DNER: variants seen among roughly 807,000 people sequenced by gnomAD.
DNER encodes the protein delta/notch like EGF repeat containing, also known as delta and Notch-like epidermal growth factor-related receptor.
Under a neutral mutation model 78.2 loss-of-function variants are expected in DNER, and 33 were observed. The observed-to-expected ratio is 0.42, with a 90% CI of 0.32 to 0.56. The LOEUF (loss-of-function observed/expected upper bound fraction) is 0.56. DNER is among the 20% of genes least tolerant of loss of function. The pLI, the probability that DNER is intolerant of heterozygous loss-of-function variation, is 0.11. For synonymous variants in DNER, 417 were observed against 384.8 expected (o/e 1.08, Z -0.98); for missense variants, 918 against 975.3 (o/e 0.94, Z 0.78).
At chr2:229,548,991 G>A (rs1696678191) in intron 4 of DNER, among the ~76,000 whole-genome samples, 2 of 152,128 alleles carry the variant, frequency 1.3e-5, no homozygotes, top group African/African-American at 2.4e-5. Context: ...CAAATGCTTA[G>A]CTGCCAGAAT....
At chr2:229,429,970 C>G (rs1408378763) in intron 8 of DNER, among the ~76,000 whole-genome samples, 5 of 152,156 alleles carry the variant, frequency 3.3e-5, no homozygotes, top group Non-Finnish European at 7.4e-5. Context: ...GGCTGTTCTC[C>G]TCTCATTTCC....
At chr2:229,713,091 C>T (rs528655894) in intron 1 of DNER, among the ~76,000 whole-genome samples, 1 of 152,302 alleles carries the variant, frequency 6.6e-6, no homozygotes, top group East Asian at 1.9e-4. Flanking sequence ...CAAACTCCTC[C>T]ACCCTAAATG....
intron 1 of DNER, among the ~76,000 whole-genome samples, chr2:229,664,738 T>C (rs1388771123): frequency 2.0e-5 from 3 of 152,156 alleles, no homozygotes; most frequent in African/African-American, 7.2e-5. Flanking sequence ...GACATGTCTA[T>C]TTCACATTGC....
chr2:229,579,469 C>G (rs905602247), intron 4 of DNER, among the ~76,000 whole-genome samples: 2 of 152,144 alleles, frequency 1.3e-5, no homozygotes, highest in Non-Finnish European at 2.9e-5. Context: ...GAAGCAGGTA[C>G]ATCTGTCAAA....
At chr2:229,416,059 T>A (rs1693644073) in intron 9 of DNER, among the ~76,000 whole-genome samples, 1 of 152,188 alleles carries the variant, frequency 6.6e-6, no homozygotes, top group Non-Finnish European at 1.5e-5. Context: ...AGACACCTCC[T>A]TCTAGGAGTT....
intron 5 of DNER, among the ~76,000 whole-genome samples, chr2:229,528,369 G>A (rs557668619): frequency 1.3e-5 from 2 of 152,288 alleles, no homozygotes; most frequent in South Asian, 4.2e-4. Context: ...TCTACAAAGT[G>A]CTTCCACCTT....
intron 12 of DNER, among the ~76,000 whole-genome samples, chr2:229,363,767 A>G (rs1295221796): frequency 2.0e-5 from 3 of 152,096 alleles, no homozygotes; most frequent in Admixed American, 1.3e-4. Flanking sequence ...AGCAGAATCT[A>G]TCTTAAACTA....
intron 1 of DNER, among the ~76,000 whole-genome samples, chr2:229,679,872 G>A (rs533359402): frequency 6.6e-6 from 1 of 152,298 alleles, no homozygotes; most frequent in South Asian, 2.1e-4. Context: ...CTCTTCAGGA[G>A]CACAGTCAGC....
At chr2:229,382,850 T>C (rs1692774933) in intron 11 of DNER, among the ~76,000 whole-genome samples, 1 of 152,118 alleles carries the variant, frequency 6.6e-6, no homozygotes, top group African/African-American at 2.4e-5. Flanking sequence ...TTTTAGGATA[T>C]TATCCGGGAG....
At chr2:229,545,578 A>T (rs1290788006) in intron 5 of DNER, among the ~76,000 whole-genome samples, 1 of 152,134 alleles carries the variant, frequency 6.6e-6, no homozygotes, top group Admixed American at 6.5e-5. Context: ...CATCTCAAAA[A>T]ATATATATAT....
intron 5 of DNER, among the ~76,000 whole-genome samples, chr2:229,530,632 A>G (rs1437005819): frequency 6.6e-6 from 1 of 152,258 alleles, no homozygotes; most frequent in Non-Finnish European, 1.5e-5. Flanking sequence ...CAGCTGCCGA[A>G]TTCCAGGGGG....
intron 6 of DNER, among the ~76,000 whole-genome samples, chr2:229,492,281 A>G (rs1695417307): frequency 6.6e-6 from 1 of 152,232 alleles, no homozygotes; most frequent in Non-Finnish European, 1.5e-5. Context: ...CACAACCAGT[A>G]GGTAGAAGTG....
chr2:229,557,078 C>T (rs999117824), intron 4 of DNER, among the ~76,000 whole-genome samples: 1 of 152,184 alleles, frequency 6.6e-6, no homozygotes, highest in Non-Finnish European at 1.5e-5. Context: ...GGAAATTCCA[C>T]ATGCCAAGAG....
intron 6 of DNER, among the ~76,000 whole-genome samples, chr2:229,508,568 T>C (rs946629003): frequency 6.6e-6 from 1 of 152,194 alleles, no homozygotes; most frequent in African/African-American, 2.4e-5. Context: ...TATAAAAACA[T>C]GTAAATATTA....
intron 1 of DNER, among the ~76,000 whole-genome samples, chr2:229,635,081 C>T (rs993884561): frequency 1.3e-5 from 2 of 152,144 alleles, no homozygotes; most frequent in African/African-American, 4.8e-5. Context: ...TCCATTTGTT[C>T]AAGGCAACCA....
chr2:229,557,862 G>T (rs867420129), intron 4 of DNER, among the ~76,000 whole-genome samples: 1 of 152,144 alleles, frequency 6.6e-6, no homozygotes, highest in Non-Finnish European at 1.5e-5. Flanking sequence ...ATTTGATTCA[G>T]CAATCCATTG....
chr2:229,564,223 AC>A (rs1248840017), intron 4 of DNER, among the ~76,000 whole-genome samples: 1 of 129,110 alleles, frequency 7.7e-6, no homozygotes, highest in Admixed American at 8.1e-5. Context: ...CATCCTCCTC[AC>A]CTCATCTCCA....
At chr2:229,552,768 A>G (rs1696773344) in intron 4 of DNER, among the ~76,000 whole-genome samples, 1 of 152,326 alleles carries the variant, frequency 6.6e-6, no homozygotes, top group Non-Finnish European at 1.5e-5. Context: ...TGACTAATAC[A>G]GGTGGGGTTC....
At chr2:229,544,618 C>T (rs1696583527) in intron 5 of DNER, among the ~76,000 whole-genome samples, 1 of 151,824 alleles carries the variant, frequency 6.6e-6, no homozygotes, top group African/African-American at 2.4e-5. Flanking sequence ...CTGCAACCTC[C>T]GCCTTCTGGA....
Sources: gnomAD v4.1 joint callset for allele counts (sites outside exome capture counted in the v4.1 genomes callset) on GRCh38, gnomAD v4.1.1 for gene constraint, MANE v1.5 for transcripts, NCBI Gene and HGNC (gene_info 2026-07-23, HGNC 2026-07-21) for gene names.